BRI3BP: variants seen among roughly 807,000 people sequenced by gnomAD.
BRI3BP encodes the protein BRI3-binding protein.
In BRI3BP, 7 loss-of-function variants were observed where a neutral mutation model predicts 15.8. The ratio of observed to expected loss-of-function variants is 0.44; its 90% confidence interval spans 0.25 to 0.83. The LOEUF (loss-of-function observed/expected upper bound fraction) is 0.83. BRI3BP is among the 40% of genes least tolerant of loss of function. BRI3BP has a pLI of 0.20. For synonymous variants in BRI3BP, 192 were observed against 163.5 expected (o/e 1.17, Z -1.33); for missense variants, 320 against 339.3 (o/e 0.94, Z 0.45).
At chr12:125,034,140 G>A (rs528506880), downstream of BRI3BP, among the ~76,000 whole-genome samples, 1 of 151,834 alleles carries the variant, frequency 6.6e-6, no homozygotes, top group Admixed American at 6.6e-5. Flanking sequence ...TCCGCTTCCT[G>A]GGTTCAAGCA....
rs1955352295 is a variant in BRI3BP at position 125,026,057 on chromosome 12, C to T, written c.*627C>T. 1 of 152,150 alleles carries T rather than the reference C, an allele frequency of 6.6e-6. No homozygotes were observed. The highest frequency in any genetic ancestry group is 2.1e-4 in the South Asian group (1 of 4,828). The allele number at this position is 152,150 out of a possible 1,614,324, so 9.4% of individuals were successfully genotyped here. A position where few individuals can be genotyped will look rare whatever the true frequency, so the allele number is the denominator to read the frequency against. ...CAACCTCTTTTGGATCCTAGAGACC[C>T]CTGCCAAGCCCCCATCAGTCCTATT... On this transcript the variant is annotated 3_prime_UTR_variant, in exon 3 of 3. Transcript: ENST00000341446.
chr12:125,045,176 T>TA, the BRI3BP span, among the ~76,000 whole-genome samples: 23 of 151,876 alleles, frequency 1.5e-4, no homozygotes, highest in East Asian at 1.7e-3. Context: ...CAGAACTAGC[T>TA]AAAAAAAACC....
At chr12:125,018,671 CTTTTTTTTTT>C (rs1035589414) in intron 2 of BRI3BP, among the ~76,000 whole-genome samples, 5 of 136,444 alleles carry the variant, frequency 3.7e-5, no homozygotes, top group Non-Finnish European at 8.0e-5. Context: ...AACTTCTGTT[CTTTTTTTTTT>C]TTTTTTTTCT....
At chr12:125,016,825 C>CTTTTTTTTTTTT (rs58016016) in intron 2 of BRI3BP, among the ~76,000 whole-genome samples, 1,577 of 39,776 alleles carry the variant, frequency 0.04, 233 homozygotes, top group Non-Finnish European at 0.052. Context: ...TGCGCCCAGC[C>CTTTTTTTTTTTT]TTTTTTTTTT....
Position 125,011,067 on chromosome 12 carries a change from C to G in BRI3BP, c.214-1467C>G, listed in dbSNP as rs544205811. Among the ~76,000 whole-genome samples, 24 of 139,754 alleles carry G rather than the reference C, an allele frequency of 1.7e-4. No individual in the cohort carries two copies. In the South Asian group the frequency reaches 1.9e-3, roughly 11 times the overall value. 91.7% of individuals were successfully genotyped at this position (139,754 alleles called of 152,430 possible). On this transcript the variant is annotated intron_variant, in intron 1 of 2. Coordinates refer to ENST00000341446, the MANE Select transcript of BRI3BP (RefSeq NM_080626.6). The stretch of plus-strand genomic sequence containing the variant: ...CGAGATCATACCACTGCACTCCAGC[C>G]GGAGTGACAGAGCGAGACCCTGTCT...
chr12:125,012,600 G>A lies in BRI3BP; in HGVS notation c.280G>A (p.Val94Ile). 10 of 1,612,792 alleles carry A rather than the reference G, an allele frequency of 6.2e-6. No homozygotes were observed. Among genetic ancestry groups the A allele is most frequent in the Non-Finnish European group, 8.5e-6 (10 of 1,178,830 alleles). Reference protein sequence around the residue: ...VDMFVETLWKVWTELLDVLGL... With the variant: ...VDMFVETLWKIWTELLDVLGL... ...TATGTTCGTGGAGACACTGTGGAAA[G>A]TCTGGACCGAGCTCTTGGATGTTCT... The change falls in exon 2 of 3, where the codon GTC becomes ATC. Residue 94 changes from valine to isoleucine, a missense_variant. By Grantham distance (29) the Val-to-Ile change is conservative (BLOSUM62 3). Transcript: ENST00000341446.
chr12:125,036,470 CATT>C, the BRI3BP span, among the ~76,000 whole-genome samples: 4 of 152,036 alleles, frequency 2.6e-5, no homozygotes, highest in Admixed American at 6.6e-5. Flanking sequence ...AACTGCTCAT[CATT>C]GATTATATTG....
chr12:124,999,743 A>G (rs1289110759), intron 1 of BRI3BP, among the ~76,000 whole-genome samples: 1 of 148,562 alleles, frequency 6.7e-6, no homozygotes, highest in Non-Finnish European at 1.5e-5. Context: ...TCAGCCTCCC[A>G]AGTGGCTGGG....
At chr12:125,050,381 T>TA in the BRI3BP span, among the ~76,000 whole-genome samples, 1 of 150,726 alleles carries the variant, frequency 6.6e-6, no homozygotes, top group Non-Finnish European at 1.5e-5. Context: ...TAATAATCAA[T>TA]AAATTTAAAA....
intron 1 of BRI3BP, among the ~76,000 whole-genome samples, chr12:125,004,736 T>G (rs10846802): frequency 9.9e-5 from 15 of 151,960 alleles, no homozygotes; most frequent in African/African-American, 3.6e-4. Flanking sequence ...CAGGATCCCA[T>G]CTGGGATCCC....
chr12:125,026,003 T>C lies in BRI3BP; in HGVS notation c.*573T>C, dbSNP rs1196500300. On this transcript the variant is annotated 3_prime_UTR_variant, in exon 3 of 3. Coordinates refer to ENST00000341446, the MANE Select transcript of BRI3BP (RefSeq NM_080626.6). Reference sequence around the variant, plus strand: ...GTTCATGAATGTTGTCACTTCTAAATGTGGACAGTTGGGCTGCAGGATGCA... The same window carrying C: ...GTTCATGAATGTTGTCACTTCTAAACGTGGACAGTTGGGCTGCAGGATGCA... The C allele has an allele frequency of 6.6e-6, 1 of 152,276 alleles. No homozygotes were observed. Among genetic ancestry groups the C allele is most frequent in the Non-Finnish European group, 1.5e-5 (1 of 68,098 alleles). The allele number at this position is 152,276 out of a possible 1,614,324, so 9.4% of individuals were successfully genotyped here. A position where few individuals can be genotyped will look rare whatever the true frequency, so the allele number is the denominator to read the frequency against.
Position 125,025,180 on chromosome 12 carries a change from C to G in BRI3BP, c.506C>G (p.Ser169Cys). 1 of 1,614,172 alleles carries G rather than the reference C, an allele frequency of 6.2e-7. No individual in the cohort carries two copies. Among genetic ancestry groups the G allele is most frequent in the Non-Finnish European group, 8.5e-7 (1 of 1,180,030 alleles). ...WIVRVVLFSM[S>C]CVYILHKYEG... ...GTGCGGGTCGTCCTGTTTTCCATGT[C>G]CTGCGTGTACATCCTGCACAAGTAC... Residue 169 changes from serine to cysteine, a missense_variant, in exon 3 of 3, where the codon TCC becomes TGC. Ser to Cys is a moderately radical substitution (Grantham distance 112, BLOSUM62 -1). Transcript: ENST00000341446.
chr12:125,040,757 G>A, the BRI3BP span, among the ~76,000 whole-genome samples: 1 of 149,650 alleles, frequency 6.7e-6, no homozygotes, highest in East Asian at 2.0e-4. Flanking sequence ...TTGAGACAGA[G>A]TCTTGCTGTG....
rs1217778458 is a variant in BRI3BP, at chr12:125,009,283, C to CTTTTTTTTT, written c.214-3235_214-3227dup. Among the ~76,000 whole-genome samples the CTTTTTTTTT allele has an allele frequency of 1.5e-4, 10 of 66,578 alleles. 1 individual carries two copies. The highest frequency in any genetic ancestry group is 2.2e-4 in the Admixed American group (1 of 4,526). 43.7% of individuals were successfully genotyped at this position (66,578 alleles called of 152,430 possible). A position where few individuals can be genotyped will look rare whatever the true frequency, so the allele number is the denominator to read the frequency against. On this transcript the variant is annotated intron_variant, in intron 1 of 2. Coordinates refer to ENST00000341446, the MANE Select transcript of BRI3BP (RefSeq NM_080626.6). Reference sequence around the variant, plus strand: ...GGTGTGGGCCACCGCACCCAGCCATCTTTTTTTTTTTTTTTTTTTTTTTTG... The same window carrying CTTTTTTTTT: ...GGTGTGGGCCACCGCACCCAGCCATCTTTTTTTTTTTTTTTTTTTTTTTTTTTTTTTTTG...
intron 2 of BRI3BP, among the ~76,000 whole-genome samples, chr12:125,017,951 G>A (rs1181526112): frequency 6.6e-6 from 1 of 152,190 alleles, no homozygotes; most frequent in African/African-American, 2.4e-5. Flanking sequence ...GGAAAATGCT[G>A]TTTACCCTAT....
At chr12:125,003,517 T>A (rs1047468744) in intron 1 of BRI3BP, among the ~76,000 whole-genome samples, 3 of 152,192 alleles carry the variant, frequency 2.0e-5, no homozygotes, top group Non-Finnish European at 4.4e-5. Context: ...TGTAGCAACT[T>A]TCTGCCATTC....
the BRI3BP span, among the ~76,000 whole-genome samples, chr12:125,038,166 C>G: frequency 6.6e-6 from 1 of 151,162 alleles, no homozygotes; most frequent in Non-Finnish European, 1.5e-5. Context: ...GTTCCTAGCT[C>G]CTTGGGAGGC....
intron 1 of BRI3BP, among the ~76,000 whole-genome samples, chr12:125,012,179 C>G (rs975233039): frequency 6.6e-6 from 1 of 152,114 alleles, no homozygotes; most frequent in African/African-American, 2.4e-5. Flanking sequence ...GAGACCCTGT[C>G]TCTTTAGAGA....
chr12:125,033,996 G>C (rs964012544), downstream of BRI3BP, among the ~76,000 whole-genome samples: 4 of 151,932 alleles, frequency 2.6e-5, no homozygotes, highest in Non-Finnish European at 5.9e-5. Flanking sequence ...TGCCTGCCTC[G>C]GCCTCCCAAA....
Sources: gnomAD v4.1 joint callset for allele counts (sites outside exome capture counted in the v4.1 genomes callset) on GRCh38, gnomAD v4.1.1 for gene constraint, MANE v1.5 for transcripts, NCBI Gene and HGNC (gene_info 2026-07-23, HGNC 2026-07-21) for gene names.